LYN: variants seen among roughly 807,000 people sequenced by gnomAD.
LYN encodes tyrosine-protein kinase Lyn.
In LYN, 12 loss-of-function variants were observed where a neutral mutation model predicts 65.0. The observed-to-expected ratio is 0.18, with a 90% confidence interval of 0.12 to 0.30. LYN has a LOEUF of 0.30. LYN is among the 10% of genes least tolerant of loss of function. LYN has a pLI of 1.00. For missense variants in LYN, 380 were observed against 623.2 expected (o/e 0.61, Z 4.16); for synonymous variants, 222 against 221.2 (o/e 1.00, Z -0.03).
chr8:55,898,122 C>T (rs746741416), intron 1 of LYN, among the ~76,000 whole-genome samples: 23 of 151,150 alleles, frequency 1.5e-4, no homozygotes, highest in Admixed American at 3.3e-4. Flanking sequence ...AGTTCTGTGA[C>T]ACCCTCCCCC....
chr8:55,885,640 C>G (rs946973080), intron 1 of LYN, among the ~76,000 whole-genome samples: 1 of 152,166 alleles, frequency 6.6e-6, no homozygotes, highest in Non-Finnish European at 1.5e-5. Flanking sequence ...CTGGGTGCCC[C>G]CACTCTTCCT....
intron 7 of LYN, among the ~76,000 whole-genome samples, chr8:55,953,547 C>A (rs866139534): frequency 6.6e-6 from 1 of 151,986 alleles, no homozygotes; most frequent in African/African-American, 2.4e-5. Context: ...ACTTTGGAGG[C>A]TGAGGCAGAA....
chr8:55,958,431 A>G (rs1253223853), intron 8 of LYN, among the ~76,000 whole-genome samples: 1 of 152,246 alleles, frequency 6.6e-6, no homozygotes, highest in East Asian at 1.9e-4. Context: ...AAAATACATC[A>G]CTTGAATAGA....
At chr8:56,003,993 C>T (rs952508648) in intron 12 of LYN, among the ~76,000 whole-genome samples, 8 of 134,532 alleles carry the variant, frequency 5.9e-5, no homozygotes, top group South Asian at 2.3e-4. Context: ...AGTGCAATGG[C>T]GCCATCTCAC....
At chr8:55,947,922 G>A (rs1028879346) in intron 4 of LYN, among the ~76,000 whole-genome samples, 199 bp downstream of exon 4, 2 of 152,156 alleles carry the variant, frequency 1.3e-5, no homozygotes, top group African/African-American at 4.8e-5. Context: ...AAGTCGGTCT[G>A]TGAGCACACT....
At chr8:55,896,294 AAAC>A (rs1247308481) in intron 1 of LYN, among the ~76,000 whole-genome samples, 7 of 152,142 alleles carry the variant, frequency 4.6e-5, no homozygotes, top group Non-Finnish European at 1.0e-4. Flanking sequence ...AAAGAAAAAG[AAAC>A]AACAACATCA....
chr8:55,935,290 G>A (rs916725724), intron 1 of LYN, among the ~76,000 whole-genome samples: 4 of 152,174 alleles, frequency 2.6e-5, no homozygotes, highest in Non-Finnish European at 4.4e-5. Flanking sequence ...AGAGAAAGCC[G>A]TGCTATGCAG....
chr8:55,999,650 G>C, intron 12 of LYN, 101 bp downstream of exon 12: 1 of 1,204,678 alleles, frequency 8.3e-7, no homozygotes, highest in Non-Finnish European at 1.2e-6. Context: ...CTACCCGATA[G>C]CAAAGAATAA....
At position 56,013,085 on chromosome 8, in the gene LYN, T is replaced by C. The variant is rs1808859141; in HGVS notation, c.*2975T>C. ...AACGTGTACTGTCCAAGCCCCCTTC[T>C]AGGGGAAATTCACTGCCACAGAAGC... On this transcript the variant is annotated 3_prime_UTR_variant, in exon 13 of 13. Coordinates refer to ENST00000519728, the MANE Select transcript of LYN (RefSeq NM_002350.4). The C allele has an allele frequency of 6.6e-6, 1 of 152,210 alleles. No individual in the cohort carries two copies. The allele number at this position is 152,210 out of a possible 1,614,324, so 9.4% of individuals were successfully genotyped here. A position where few individuals can be genotyped will look rare whatever the true frequency, so the allele number is the denominator to read the frequency against.
chr8:55,926,616 C>T (rs1806115711), intron 1 of LYN, among the ~76,000 whole-genome samples: 1 of 152,102 alleles, frequency 6.6e-6, no homozygotes, highest in Non-Finnish European at 1.5e-5. Context: ...TATTTTAAAC[C>T]ATAATTATTA....
rs544863809 is a variant in LYN at position 55,953,935 on chromosome 8, C to T, written c.741C>T (p.Ile247=). 2.6e-4 allele frequency: 426 copies of T among 1,614,106 alleles called. 3 individuals are homozygous for T. In the South Asian group the frequency reaches 3.6e-3, roughly 14 times the overall value. Residue 247 remains isoleucine (I), a synonymous_variant, in exon 8 of 13, where the codon ATC becomes ATT. Coordinates refer to ENST00000519728, the MANE Select transcript of LYN (RefSeq NM_002350.4). Reference sequence around the variant, plus strand: ...CCTGGGAGATCCCCCGGGAGTCCATCAAGTTGGTGAAAAGGCTTGGCGCTG... The same window carrying T: ...CCTGGGAGATCCCCCGGGAGTCCATTAAGTTGGTGAAAAGGCTTGGCGCTG... ...KDAWEIPRES[I]KLVKRLGAGQ...
intron 10 of LYN, among the ~76,000 whole-genome samples, chr8:55,985,792 C>CAGGA (rs1218392798): frequency 6.6e-6 from 1 of 152,120 alleles, no homozygotes; most frequent in East Asian, 1.9e-4. Flanking sequence ...GGCATACAGG[C>CAGGA]AGGACTGTGT....
intron 12 of LYN, 111 bp downstream of exon 12, chr8:55,999,660 A>C: frequency 8.9e-7 from 1 of 1,129,526 alleles, no homozygotes; most frequent in Non-Finnish European, 1.3e-6. Context: ...GCAAAGAATA[A>C]GTGCTTTGAG....
intron 1 of LYN, among the ~76,000 whole-genome samples, chr8:55,920,793 C>G (rs543779790): frequency 1.3e-5 from 2 of 150,332 alleles, no homozygotes; most frequent in Middle Eastern, 3.2e-3. Context: ...ACCACCCCCC[C>G]ACCGGGTTCC....
intron 1 of LYN, among the ~76,000 whole-genome samples, chr8:55,906,830 G>A (rs1474118053): frequency 6.6e-6 from 1 of 152,130 alleles, no homozygotes; most frequent in African/African-American, 2.4e-5. Flanking sequence ...AAGGAAGAAG[G>A]AGCAGCCCTC....
chr8:55,975,626 T>A (rs1199615572), intron 10 of LYN, among the ~76,000 whole-genome samples: 3 of 152,236 alleles, frequency 2.0e-5, no homozygotes, highest in African/African-American at 7.2e-5. Flanking sequence ...TCTATTTATC[T>A]TTTTTGAATA....
At chr8:55,947,465 C>G (rs1051055814) in intron 3 of LYN, among the ~76,000 whole-genome samples, 153 bp from the exon 4 acceptor site, 1 of 152,096 alleles carries the variant, frequency 6.6e-6, no homozygotes, top group African/African-American at 2.4e-5. Flanking sequence ...CTCTGTGGGC[C>G]GTGCAGACCC....
chr8:55,952,769 T>C (rs561260898), intron 7 of LYN, among the ~76,000 whole-genome samples: 1 of 152,330 alleles, frequency 6.6e-6, no homozygotes, highest in African/African-American at 2.4e-5. Flanking sequence ...GGAATGCAGA[T>C]TTGCAGATCT....
chr8:55,898,722 C>T (rs1805184409), intron 1 of LYN, among the ~76,000 whole-genome samples: 2 of 152,192 alleles, frequency 1.3e-5, no homozygotes, highest in African/African-American at 4.8e-5. Context: ...TTTTATTACA[C>T]AAAAAGAAAT....
Sources: allele counts gnomAD v4.1 joint callset (sites outside exome capture counted in the v4.1 genomes callset), GRCh38; gene constraint gnomAD v4.1.1; transcripts MANE v1.5; gene names NCBI Gene and HGNC (gene_info 2026-07-23, HGNC 2026-07-21).